Variants in ENOX1 observed in about 807,000 individuals in gnomAD.
ENOX1 encodes the protein candidate growth-related and time keeping constitutive hydroquinone (NADH) oxidase.
ENOX1 carries 42 observed loss-of-function variants against 82.5 expected under a neutral mutation model. The ratio of observed to expected loss-of-function variants is 0.51; its 90% CI spans 0.40 to 0.66. The LOEUF (loss-of-function observed/expected upper bound fraction) is 0.66. Ranked by LOEUF, ENOX1 falls within the 30% of genes least tolerant of loss-of-function variation. The pLI, the probability that ENOX1 is intolerant of heterozygous loss-of-function variation, is 0.00. For synonymous variants in ENOX1, 271 were observed against 282.2 expected (o/e 0.96, Z 0.40); for missense variants, 608 against 811.6 (o/e 0.75, Z 3.05).
intron 2 of ENOX1, among the ~76,000 whole-genome samples, chr13:43,500,295 A>G (rs2153667416): frequency 6.6e-6 from 1 of 152,300 alleles, no homozygotes; most frequent in Non-Finnish European, 1.5e-5. Context: ...AGAAATTACT[A>G]TTAAATTGTC....
rs150882231 is a variant in ENOX1, at chr13:43,511,844, C to T, written c.-218-27692G>A. Among the ~76,000 whole-genome samples the T allele has an allele frequency of 1.4e-4, 22 of 152,182 alleles. No individual in the cohort carries two copies. The East Asian group carries it at 4.1e-3, about 28-fold the overall frequency. ...GGTTCATTCTAGGGAATCCAAAAGG[C>T]GAGCACCACATATTTCCTTTCCTTT... On this transcript the variant is annotated intron_variant, in intron 2 of 16. Transcript: ENST00000690772.
At chr13:43,629,040 C>A (rs546753541) in intron 2 of ENOX1, among the ~76,000 whole-genome samples, 2 of 152,160 alleles carry the variant, frequency 1.3e-5, no homozygotes, top group African/African-American at 2.4e-5. Context: ...AAGTGGAAAT[C>A]TACCATCTGA....
chr13:43,360,115 C>A, intron 6 of ENOX1, 58 bp from the exon 7 acceptor site: 1 of 1,520,514 alleles, frequency 6.6e-7, no homozygotes, highest in South Asian at 1.2e-5. Context: ...TTCTCTGGTT[C>A]TCCTGGCAAA....
intron 3 of ENOX1, among the ~76,000 whole-genome samples, chr13:43,448,081 A>G (rs1301268738): frequency 6.6e-6 from 1 of 152,236 alleles, no homozygotes; most frequent in Non-Finnish European, 1.5e-5. Flanking sequence ...TGGAAACATT[A>G]TTGAACAGAA....
At chr13:43,370,531 A>G (rs1370688277) in intron 5 of ENOX1, among the ~76,000 whole-genome samples, 3 of 152,162 alleles carry the variant, frequency 2.0e-5, no homozygotes, top group South Asian at 2.1e-4. Flanking sequence ...GCTCATGTGT[A>G]CTAAGTTATT....
intron 2 of ENOX1, among the ~76,000 whole-genome samples, chr13:43,490,731 T>C (rs1337822371): frequency 1.3e-5 from 2 of 152,102 alleles, no homozygotes; most frequent in Non-Finnish European, 2.9e-5. Flanking sequence ...TCCAGAAAAC[T>C]GAACCTGCCA....
At chr13:43,682,866 T>C (rs913106804) in intron 1 of ENOX1, among the ~76,000 whole-genome samples, 1 of 152,172 alleles carries the variant, frequency 6.6e-6, no homozygotes, top group Non-Finnish European at 1.5e-5. Flanking sequence ...AAAAAAGGCA[T>C]TAGAAAAAAC....
At chr13:43,578,896 A>G (rs950865532) in intron 2 of ENOX1, among the ~76,000 whole-genome samples, 2 of 152,140 alleles carry the variant, frequency 1.3e-5, no homozygotes, top group Non-Finnish European at 2.9e-5. Flanking sequence ...AAATTTGTTA[A>G]TTTTATTTCT....
intron 5 of ENOX1, among the ~76,000 whole-genome samples, chr13:43,403,925 G>C (rs2053639339): frequency 6.6e-6 from 1 of 152,206 alleles, no homozygotes; most frequent in Non-Finnish European, 1.5e-5. Flanking sequence ...GCACTAGGAT[G>C]CAAGTTGCAG....
intron 2 of ENOX1, among the ~76,000 whole-genome samples, chr13:43,486,290 A>G (rs1201252200): frequency 6.6e-6 from 1 of 152,150 alleles, no homozygotes; most frequent in Non-Finnish European, 1.5e-5. Flanking sequence ...AGGCTGAGGC[A>G]TAAGAATCAC....
chr13:43,733,109 C>T (rs1052214377), intron 1 of ENOX1, among the ~76,000 whole-genome samples: 1 of 152,074 alleles, frequency 6.6e-6, no homozygotes. Context: ...GAAGAATATA[C>T]CTTCATACCT....
chr13:43,506,248 C>G (rs1017804381), intron 2 of ENOX1, among the ~76,000 whole-genome samples: 1 of 152,092 alleles, frequency 6.6e-6, no homozygotes, highest in South Asian at 2.1e-4. Flanking sequence ...CTCATCATTA[C>G]TGGCCATCAG....
chr13:43,667,134 C>A (rs1241913170), intron 2 of ENOX1, among the ~76,000 whole-genome samples: 1 of 152,160 alleles, frequency 6.6e-6, no homozygotes, highest in Admixed American at 6.5e-5. Flanking sequence ...CTTCAATATT[C>A]ATGTATTTAC....
Position 43,361,373 on chromosome 13 carries a change from G to GC in ENOX1, c.287dup (p.Leu97ProfsTer46). ...GTGGTGGGGGAGGTACCAGTCCAAGGCCTGGTATCATTGGGTTAATGGGGG... is the reference window on the plus strand; with the variant it reads ...GTGGTGGGGGAGGTACCAGTCCAAGGCCCTGGTATCATTGGGTTAATGGGGG... On this transcript the variant is annotated frameshift_variant, in exon 6 of 17. Transcript: ENST00000690772. LOFTEE classifies it high-confidence loss of function. 1 of 1,613,608 alleles carries GC rather than the reference G, an allele frequency of 6.2e-7. No homozygotes were observed. Among genetic ancestry groups the GC allele is most frequent in the Non-Finnish European group, 8.5e-7 (1 of 1,179,898 alleles).
At chr13:43,240,664 G>A (rs1269466045) in intron 14 of ENOX1, among the ~76,000 whole-genome samples, 6 of 152,214 alleles carry the variant, frequency 3.9e-5, no homozygotes, top group South Asian at 2.1e-4. Flanking sequence ...GCTAGTCTGG[G>A]AGAAGATTGT....
intron 15 of ENOX1, among the ~76,000 whole-genome samples, chr13:43,231,238 T>C (rs1466027597): frequency 6.6e-6 from 1 of 152,096 alleles, no homozygotes; most frequent in African/African-American, 2.4e-5. Context: ...ATATAAATGG[T>C]CCACGGATGT....
chr13:43,259,560 G>T (rs377038472), intron 14 of ENOX1, among the ~76,000 whole-genome samples: 2 of 152,170 alleles, frequency 1.3e-5, no homozygotes, highest in East Asian at 1.9e-4. Flanking sequence ...CCTCTGCCTC[G>T]TGAGTCCCAG....
chr13:43,334,041 AAC>A (rs1381628664), intron 9 of ENOX1, among the ~76,000 whole-genome samples: 1 of 152,230 alleles, frequency 6.6e-6, no homozygotes, highest in Non-Finnish European at 1.5e-5. Context: ...ATCACTTGAG[AAC>A]TCACTAGAAA....
intron 2 of ENOX1, among the ~76,000 whole-genome samples, chr13:43,559,852 TA>T (rs1382986321): frequency 1.3e-5 from 2 of 152,148 alleles, no homozygotes; most frequent in Admixed American, 1.3e-4. Flanking sequence ...TGGAAAAGAC[TA>T]AAACACAAAC....
Sources: allele counts gnomAD v4.1 joint callset (sites outside exome capture counted in the v4.1 genomes callset), GRCh38; gene constraint gnomAD v4.1.1; transcripts MANE v1.5; gene names NCBI Gene and HGNC (gene_info 2026-07-23, HGNC 2026-07-21).